GBE1: variants seen among roughly 807,000 people sequenced by gnomAD.
GBE1 encodes the protein 1,4-alpha-glucan-branching enzyme.
GBE1 carries 70 observed loss-of-function variants against 88.8 expected under a neutral mutation model. That is an observed-to-expected ratio of 0.79 (90% CI 0.65 to 0.96). The LOEUF (loss-of-function observed/expected upper bound fraction) is 0.96. Ranked by LOEUF, GBE1 falls within the 40% of genes least tolerant of loss-of-function variation. The pLI, the probability that GBE1 is intolerant of heterozygous loss-of-function variation, is 0.00. For synonymous variants in GBE1, 284 were observed against 300.1 expected, an observed-to-expected ratio of 0.95 and a Z score of 0.56; for missense variants, 872 against 871.0, an observed-to-expected ratio of 1.00 and a Z score of -0.01.
At chr3:81,520,800 T>C (rs1702862317) in intron 14 of GBE1, among the ~76,000 whole-genome samples, 1 of 151,596 alleles carries the variant, frequency 6.6e-6, no homozygotes, top group Non-Finnish European at 1.5e-5. Flanking sequence ...GATTAGCAGC[T>C]AAAAAGACAA....
At chr3:81,703,332 T>C (rs901292371) in intron 2 of GBE1, among the ~76,000 whole-genome samples, 7 of 152,034 alleles carry the variant, frequency 4.6e-5, no homozygotes, top group Non-Finnish European at 8.8e-5. Flanking sequence ...CTAATCTGAA[T>C]TATCAGATCT....
At chr3:81,593,369 A>T (rs1461310298) in intron 8 of GBE1, among the ~76,000 whole-genome samples, 2 of 137,470 alleles carry the variant, frequency 1.5e-5, no homozygotes, top group Non-Finnish European at 3.1e-5. Context: ...TGTCTCAAGA[A>T]CAATAATAAT....
chr3:81,720,777 A>C (rs1706016330), intron 1 of GBE1, among the ~76,000 whole-genome samples: 1 of 151,706 alleles, frequency 6.6e-6, no homozygotes, highest in Non-Finnish European at 1.5e-5. Context: ...CACTATTCAC[A>C]ATAGCAAAGA....
chr3:81,728,934 C>CTCAAGAAGCTGGT (rs1257449449), intron 1 of GBE1, among the ~76,000 whole-genome samples: 2 of 151,830 alleles, frequency 1.3e-5, no homozygotes, highest in African/African-American at 4.8e-5. Context: ...CACTCTCTGA[C>CTCAAGAAGCTGGT]TCAAGAAGCT....
At chr3:81,528,349 C>T (rs911428804) in intron 14 of GBE1, among the ~76,000 whole-genome samples, 2 of 151,988 alleles carry the variant, frequency 1.3e-5, no homozygotes, top group African/African-American at 4.8e-5. Flanking sequence ...ATGTTATGCA[C>T]ATGTACCCTA....
At chr3:81,558,863 G>A (rs888735845) in intron 12 of GBE1, among the ~76,000 whole-genome samples, 2 of 152,022 alleles carry the variant, frequency 1.3e-5, no homozygotes, top group South Asian at 4.1e-4. Flanking sequence ...CTCAAAAAAT[G>A]ATGGGTGTCT....
In GBE1 at chr3:81,490,369, C is replaced by T. The variant is rs112851783; in HGVS notation, c.*38G>A. Reference sequence around the variant, plus strand: ...TGACAGTGATAACAAGAAAACAAAACACAAATCTGCATCTGGTGGAGCTGA... The same window carrying T: ...TGACAGTGATAACAAGAAAACAAAATACAAATCTGCATCTGGTGGAGCTGA... On this transcript the variant is annotated 3_prime_UTR_variant, in exon 16 of 16. Coordinates refer to ENST00000429644, the MANE Select transcript of GBE1 (RefSeq NM_000158.4). 3.4e-5 allele frequency: 53 copies of T among 1,561,598 alleles called. 2 individuals are homozygous for T. Among genetic ancestry groups the T allele is most frequent in the African/African-American group, 2.6e-4 (19 of 73,844 alleles).
intron 1 of GBE1, 116 bp downstream of exon 1, chr3:81,761,259 C>G (rs1352524985): frequency 1.5e-6 from 2 of 1,364,820 alleles, no homozygotes; most frequent in African/African-American, 3.0e-5. Context: ...CACTCAGGTT[C>G]CTCCCCGCCT....
chr3:81,596,005 A>C (rs1038731002), intron 7 of GBE1, among the ~76,000 whole-genome samples: 11 of 152,092 alleles, frequency 7.2e-5, no homozygotes, highest in African/African-American at 2.6e-4. Context: ...TGAAAATCAT[A>C]AAGTCTTTTA....
chr3:81,567,918 T>G (rs1703514024), intron 12 of GBE1, among the ~76,000 whole-genome samples: 1 of 152,182 alleles, frequency 6.6e-6, no homozygotes, highest in Admixed American at 6.5e-5. Flanking sequence ...TCCACTTCTT[T>G]ACCAAGACCT....
At chr3:81,639,843 G>C (rs1360934279) in intron 7 of GBE1, among the ~76,000 whole-genome samples, 2 of 152,094 alleles carry the variant, frequency 1.3e-5, no homozygotes, top group Non-Finnish European at 1.5e-5. Flanking sequence ...TAGGTCACAT[G>C]AGTGAACCAT....
At chr3:81,512,537 C>A (rs567896104) in intron 14 of GBE1, among the ~76,000 whole-genome samples, 41 of 151,784 alleles carry the variant, frequency 2.7e-4, no homozygotes, top group Middle Eastern at 3.4e-3. Flanking sequence ...GAGAAAAAAA[C>A]CAAAATTAGT....
chr3:81,594,665 C>T (rs1703931712), intron 7 of GBE1, among the ~76,000 whole-genome samples: 1 of 151,756 alleles, frequency 6.6e-6, no homozygotes, highest in Admixed American at 6.6e-5. Flanking sequence ...ACCTAATTAC[C>T]AAAAACCACA....
intron 14 of GBE1, among the ~76,000 whole-genome samples, chr3:81,517,478 A>G (rs1176760651): frequency 6.6e-6 from 1 of 151,386 alleles, no homozygotes; most frequent in Non-Finnish European, 1.5e-5. Flanking sequence ...CTGGAACCCA[A>G]TCTGCACTGT....
Position 81,490,228 on chromosome 3 carries a change from TCCC to T in GBE1, c.*176_*178del. On this transcript the variant is annotated 3_prime_UTR_variant, in exon 16 of 16. Coordinates refer to ENST00000429644, the MANE Select transcript of GBE1 (RefSeq NM_000158.4). Reference sequence around the variant, plus strand: ...GATTCCTAATATTTTAAACATATTCTCCCATCTACTTAAATAAAAGTTTGCTGT... The same window carrying T: ...GATTCCTAATATTTTAAACATATTCTATCTACTTAAATAAAAGTTTGCTGT... 1 of 584,888 alleles carries T rather than the reference TCCC, an allele frequency of 1.7e-6. No homozygotes were observed. The highest frequency in any genetic ancestry group is 3.4e-5 in the Admixed American group (1 of 29,514). The allele number at this position is 584,888 out of a possible 1,614,324, so 36.2% of individuals were successfully genotyped here. A position where few individuals can be genotyped will look rare whatever the true frequency, so the allele number is the denominator to read the frequency against.
intron 10 of GBE1, among the ~76,000 whole-genome samples, chr3:81,581,706 A>C (rs1703734408): frequency 6.6e-6 from 1 of 152,068 alleles, no homozygotes; most frequent in South Asian, 2.1e-4. Flanking sequence ...GTTTCGCTTC[A>C]TTTTTACAAA....
rs767191741 is a variant in GBE1 at position 81,705,499 on chromosome 3, T to C, written c.258A>G (p.Leu86=). ...CTCCCGGGGCCCATTCTTTGCAGTATAAACCACCATCAGCACATCTGTGGA... is the reference window on the plus strand; with the variant it reads ...CTCCCGGGGCCCATTCTTTGCAGTACAAACCACCATCAGCACATCTGTGGA... ...FGVHRCADGG[L]YCKEWAPGAE... Residue 86 remains leucine, a synonymous_variant, in exon 2 of 16, where the codon TTA becomes TTG. Transcript: ENST00000429644. 1.2e-6 allele frequency: 2 copies of C among 1,604,156 alleles called. No homozygotes were observed. Among genetic ancestry groups the C allele is most frequent in the South Asian group, 2.3e-5 (2 of 88,660 alleles).
intron 10 of GBE1, among the ~76,000 whole-genome samples, chr3:81,585,518 A>C (rs567266099): frequency 6.6e-6 from 1 of 152,326 alleles, no homozygotes; most frequent in South Asian, 2.1e-4. Context: ...ATGAAAAAAA[A>C]ACAAAAAACA....
intron 1 of GBE1, among the ~76,000 whole-genome samples, chr3:81,756,222 G>A (rs1357688726): frequency 6.6e-6 from 1 of 152,078 alleles, no homozygotes; most frequent in Non-Finnish European, 1.5e-5. Flanking sequence ...CTATTTTCTT[G>A]ATTTATTCTG....
Sources: gnomAD v4.1 joint callset for allele counts (sites outside exome capture counted in the v4.1 genomes callset) on GRCh38, gnomAD v4.1.1 for gene constraint, MANE v1.5 for transcripts, NCBI Gene and HGNC (gene_info 2026-07-23, HGNC 2026-07-21) for gene names.